The following HS3ST3B1 variants were observed in gnomAD, a reference collection of about 807,000 sequenced individuals.
HS3ST3B1 encodes heparan sulfate glucosamine 3-O-sulfotransferase 3B1.
Under a neutral mutation model 21.3 loss-of-function variants are expected in HS3ST3B1, and 13 were observed. That is an observed-to-expected ratio of 0.61 (90% CI 0.40 to 0.97). The LOEUF is 0.97. Ranked by LOEUF, HS3ST3B1 falls within the 50% of genes least tolerant of loss-of-function variation. The pLI is 0.00. For synonymous variants in HS3ST3B1, 234 were observed against 254.8 expected (o/e 0.92, Z 0.78); for missense variants, 459 against 554.8 (o/e 0.83, Z 1.73).
At chr17:14,332,376 C>G (rs187143338) in intron 1 of HS3ST3B1, among the ~76,000 whole-genome samples, 136 of 152,186 alleles carry the variant, frequency 8.9e-4, no homozygotes, top group Middle Eastern at 3.4e-3. Flanking sequence ...ACACGTTGGT[C>G]TGAAGTACCA....
intron 1 of HS3ST3B1, among the ~76,000 whole-genome samples, chr17:14,309,921 T>C (rs1489304198): frequency 6.6e-6 from 1 of 152,164 alleles, no homozygotes; most frequent in Non-Finnish European, 1.5e-5. Flanking sequence ...GAGGGGTTGC[T>C]GGCAAGAAAG....
chr17:14,325,758 G>A (rs908452463), intron 1 of HS3ST3B1, among the ~76,000 whole-genome samples: 1 of 152,302 alleles, frequency 6.6e-6, no homozygotes, highest in East Asian at 1.9e-4. Flanking sequence ...GCCTGTTTAA[G>A]ATACGCTGCT....
chr17:14,329,277 G>A (rs1909904837), intron 1 of HS3ST3B1: 1 of 148,752 alleles, frequency 6.7e-6, no homozygotes, highest in Admixed American at 6.8e-5. Context: ...CAACCTAATT[G>A]TGTGCCATGA....
rs917120517 is a variant in HS3ST3B1, at chr17:14,303,241, A to G, written c.554+1169A>G. The stretch of plus-strand genomic sequence containing the variant: ...ACATTCAGACACCCCTCCAGGCCCA[A>G]TTAGCTTCACAGACGCTCAAGACTT... On this transcript the variant is annotated intron_variant, in intron 1 of 1. Coordinates refer to ENST00000360954, the MANE Select transcript of HS3ST3B1 (RefSeq NM_006041.3). This position sits in a 1 kb window ranked among gnomAD's most constrained non-coding sequence, Gnocchi z 5.7. Among the ~76,000 whole-genome samples the G allele has an allele frequency of 6.6e-6, 1 of 152,130 alleles. No individual in the cohort carries two copies. Among genetic ancestry groups the G allele is most frequent in the Non-Finnish European group, 1.5e-5 (1 of 68,010 alleles).
At chr17:14,334,615 T>C (rs752608518) in intron 1 of HS3ST3B1, among the ~76,000 whole-genome samples, 1 of 152,178 alleles carries the variant, frequency 6.6e-6, no homozygotes, top group Non-Finnish European at 1.5e-5. Flanking sequence ...TGAGCGTACA[T>C]TGACATCTCA....
chr17:14,313,126 G>A (rs374665152), intron 1 of HS3ST3B1, among the ~76,000 whole-genome samples: 537 of 47,592 alleles, frequency 0.011, 1 homozygote, highest in East Asian at 0.092. Context: ...ATATATATGT[G>A]TGTGTGTGTA....
In HS3ST3B1 at chr17:14,303,523, A is replaced by C. The variant is rs1460078129; in HGVS notation, c.554+1451A>C. On this transcript the variant is annotated intron_variant, in intron 1 of 1. Coordinates refer to ENST00000360954, the MANE Select transcript of HS3ST3B1 (RefSeq NM_006041.3). This position sits in a 1 kb window ranked among gnomAD's most constrained non-coding sequence, Gnocchi z 5.7. ...CCGGGCTGTGACCCATTCTCGGGAC[A>C]CTGGTGGATAAGAATGGGGTCTCTG... Among the ~76,000 whole-genome samples, 2 of 152,124 alleles carry C rather than the reference A, an allele frequency of 1.3e-5. No homozygotes were observed. Among genetic ancestry groups the C allele is most frequent in the East Asian group, 3.9e-4 (2 of 5,192 alleles).
chr17:14,315,901 T>C (rs531284138), intron 1 of HS3ST3B1, among the ~76,000 whole-genome samples: 1 of 152,106 alleles, frequency 6.6e-6, no homozygotes, highest in Non-Finnish European at 1.5e-5. Flanking sequence ...AGAAATACTG[T>C]AGCTAAAAAC....
chr17:14,343,271 T>G lies in HS3ST3B1; in HGVS notation c.555-1757T>G, dbSNP rs75813745. Among the ~76,000 whole-genome samples the G allele has an allele frequency of 5.0e-3, 752 of 151,822 alleles. 17 individuals are homozygous for G. The highest frequency in any genetic ancestry group is 0.038 in the East Asian group (195 of 5,166). ...AAAAAAAAAGAAAAGAAAAGAAAGATTCAATCAAGCAAATTAACATATCCA... is the reference window on the plus strand; with the variant it reads ...AAAAAAAAAGAAAAGAAAAGAAAGAGTCAATCAAGCAAATTAACATATCCA... On this transcript the variant is annotated intron_variant, in intron 1 of 1. Coordinates refer to ENST00000360954, the MANE Select transcript of HS3ST3B1 (RefSeq NM_006041.3).
intron 1 of HS3ST3B1, among the ~76,000 whole-genome samples, chr17:14,315,516 G>C (rs561366621): frequency 1.8e-4 from 28 of 152,126 alleles, no homozygotes; most frequent in African/African-American, 6.3e-4. Flanking sequence ...GCTATTCCAC[G>C]TTTCTTTGAG....
chr17:14,301,970 G>A lies in HS3ST3B1; in HGVS notation c.452G>A (p.Arg151Gln). The change falls in exon 1 of 2, where the codon CGG becomes CAG. Residue 151 changes from arginine to glutamine, a missense_variant. By Grantham distance (43) the Arg-to-Gln change is conservative. Around this residue, in one of 3 missense-constraint regions of HS3ST3B1, gnomAD observed 317 missense variants for 278.6 expected, o/e 1.14. Coordinates refer to ENST00000360954, the MANE Select transcript of HS3ST3B1 (RefSeq NM_006041.3). ...IIIGVKKGGT[R>Q]ALLEFLRVHP... ...ATCGGCGTGAAGAAGGGCGGCACGC[G>A]GGCGCTGCTGGAGTTTCTGCGCGTG... The A allele has an allele frequency of 6.2e-7, 1 of 1,608,302 alleles. No individual in the cohort carries two copies. Among genetic ancestry groups the A allele is most frequent in the Non-Finnish European group, 8.5e-7 (1 of 1,178,190 alleles).
rs374836940 is a variant in HS3ST3B1 at position 14,308,333 on chromosome 17, A to C, written c.554+6261A>C. Among the ~76,000 whole-genome samples, 8 of 152,370 alleles carry C rather than the reference A, an allele frequency of 5.3e-5. No individual in the cohort carries two copies. In the East Asian group the frequency reaches 1.3e-3, roughly 26 times the overall value. On this transcript the variant is annotated intron_variant, in intron 1 of 1. Transcript: ENST00000360954. ...CTAATGCTAATAAAACCCACCATTAAGTTTATTTGTACATAGATAAAAGTG... is the reference window on the plus strand; with the variant it reads ...CTAATGCTAATAAAACCCACCATTACGTTTATTTGTACATAGATAAAAGTG...
chr17:14,326,050 CGT>C (rs952833751), intron 1 of HS3ST3B1, among the ~76,000 whole-genome samples: 2 of 151,514 alleles, frequency 1.3e-5, no homozygotes, highest in East Asian at 1.9e-4. Context: ...CACGTGTGTG[CGT>C]GTGTGTGTGC....
intron 1 of HS3ST3B1, among the ~76,000 whole-genome samples, chr17:14,315,494 A>C (rs963974750): frequency 6.6e-6 from 1 of 152,160 alleles, no homozygotes; most frequent in Non-Finnish European, 1.5e-5. Context: ...TGCAGACCAC[A>C]CTTTGAGATG....
chr17:14,327,486 A>G (rs971277483), intron 1 of HS3ST3B1: 1 of 152,214 alleles, frequency 6.6e-6, no homozygotes, highest in Non-Finnish European at 1.5e-5. Flanking sequence ...TTTGCTTAGC[A>G]TTTAAGTTCA....
At chr17:14,340,253 C>T (rs534754211) in intron 1 of HS3ST3B1, among the ~76,000 whole-genome samples, 9 of 152,270 alleles carry the variant, frequency 5.9e-5, no homozygotes, top group African/African-American at 1.9e-4. Flanking sequence ...GCATGAACTC[C>T]TCACCCTTGA....
At chr17:14,331,323 A>G (rs1463689411) in intron 1 of HS3ST3B1, among the ~76,000 whole-genome samples, 1 of 150,962 alleles carries the variant, frequency 6.6e-6, no homozygotes, top group African/African-American at 2.4e-5. Flanking sequence ...CCCTTCCAGG[A>G]ACAGGAACAG....
In HS3ST3B1 at chr17:14,302,020, G is replaced by T. The variant is rs752590929; in HGVS notation, c.502G>T (p.Ala168Ser). 4 of 1,608,434 alleles carry T rather than the reference G, an allele frequency of 2.5e-6. No individual in the cohort carries two copies. Among genetic ancestry groups the T allele is most frequent in the Admixed American group, 1.7e-5 (1 of 59,754 alleles). ...GCACCCCGACGTGCGCGCCGTGGGCGCCGAGCCCCATTTCTTCGATCGCAG... is the reference window on the plus strand; with the variant it reads ...GCACCCCGACGTGCGCGCCGTGGGCTCCGAGCCCCATTTCTTCGATCGCAG... Reference protein sequence around the residue: ...RVHPDVRAVGAEPHFFDRSYD... With the variant: ...RVHPDVRAVGSEPHFFDRSYD... The change falls in exon 1 of 2, where the codon GCC becomes TCC. Residue 168 changes from alanine to serine, a missense_variant. By Grantham distance (99) the Ala-to-Ser change is moderately conservative (BLOSUM62 1). Coordinates refer to ENST00000360954, the MANE Select transcript of HS3ST3B1 (RefSeq NM_006041.3).
At chr17:14,304,269 A>G (rs1909054697) in intron 1 of HS3ST3B1, 1 of 152,206 alleles carries the variant, frequency 6.6e-6, no homozygotes, top group Non-Finnish European at 1.5e-5. Context: ...TCCAGGGGGC[A>G]CAGGGCCCGG....
Sources: allele counts gnomAD v4.1 joint callset (sites outside exome capture counted in the v4.1 genomes callset), GRCh38; gene constraint gnomAD v4.1.1; regional missense constraint gnomAD v4.1.1; non-coding constraint Gnocchi (gnomAD v3.1); transcripts MANE v1.5; gene names NCBI Gene and HGNC (gene_info 2026-07-23, HGNC 2026-07-21).